Variants in ZNF385D observed in about 807,000 individuals in gnomAD.
ZNF385D encodes the protein zinc finger protein 385D, also known as zinc finger protein 659.
In ZNF385D, 15 loss-of-function variants were observed where a neutral mutation model predicts 35.8. The observed-to-expected ratio is 0.42, with a 90% CI of 0.28 to 0.64. The LOEUF is 0.64. Ranked by LOEUF, ZNF385D falls within the 30% of genes least tolerant of loss-of-function variation. The pLI is 0.23. For synonymous variants in ZNF385D, 212 were observed against 186.8 expected, an observed-to-expected ratio of 1.13 and a Z score of -1.10; for missense variants, 474 against 494.6, an observed-to-expected ratio of 0.96 and a Z score of 0.39.
intron 4 of ZNF385D, among the ~76,000 whole-genome samples, chr3:21,509,796 GA>G (rs1241223624): frequency 6.6e-6 from 1 of 152,114 alleles, no homozygotes; most frequent in African/African-American, 2.4e-5. Context: ...AATACCTGAA[GA>G]AAATACAAAA....
intron 3 of ZNF385D, among the ~76,000 whole-genome samples, chr3:22,000,292 G>A (rs1488384279): frequency 5.1e-5 from 6 of 118,536 alleles, no homozygotes; most frequent in East Asian, 4.2e-4. Flanking sequence ...GTGACAGAGC[G>A]AGACTCCATC....
At chr3:21,890,314 A>G (rs368505238) in intron 3 of ZNF385D, among the ~76,000 whole-genome samples, 3 of 152,278 alleles carry the variant, frequency 2.0e-5, no homozygotes, top group African/African-American at 7.2e-5. Context: ...TGGTAGACTC[A>G]GGCAGTATAA....
At chr3:21,907,549 A>C (rs1459654983) in intron 3 of ZNF385D, among the ~76,000 whole-genome samples, 1 of 152,074 alleles carries the variant, frequency 6.6e-6, no homozygotes, top group East Asian at 1.9e-4. Flanking sequence ...TAAAAATAGC[A>C]CTGCTATGGA....
At chr3:22,248,402 T>C (rs1437412244) in intron 2 of ZNF385D, among the ~76,000 whole-genome samples, 3 of 152,162 alleles carry the variant, frequency 2.0e-5, no homozygotes, top group Non-Finnish European at 2.9e-5. Context: ...ACTGAGGATA[T>C]AGAGAAGAAA....
At chr3:21,570,579 T>C (rs533990777) in intron 2 of ZNF385D, among the ~76,000 whole-genome samples, 1 of 152,332 alleles carries the variant, frequency 6.6e-6, no homozygotes, top group Non-Finnish European at 1.5e-5. Flanking sequence ...CTTTTTCATC[T>C]GGTATTTGTA....
chr3:21,846,850 C>T (rs116620034), intron 3 of ZNF385D, among the ~76,000 whole-genome samples: 145 of 152,084 alleles, frequency 9.5e-4, no homozygotes, highest in African/African-American at 3.4e-3. Context: ...ACACTTGGAA[C>T]CTTGCTGACC....
At chr3:21,877,572 A>G (rs1698046401) in intron 3 of ZNF385D, among the ~76,000 whole-genome samples, 1 of 152,096 alleles carries the variant, frequency 6.6e-6, no homozygotes, top group Admixed American at 6.6e-5. Context: ...GAGCCTCGGA[A>G]ATGGTTCAAG....
intron 3 of ZNF385D, among the ~76,000 whole-genome samples, chr3:21,909,373 T>C (rs1699849793): frequency 6.6e-6 from 1 of 152,048 alleles, no homozygotes; most frequent in Non-Finnish European, 1.5e-5. Flanking sequence ...CAATGTTTCA[T>C]TTTCCACCAT....
rs192416231 is a variant in ZNF385D, at chr3:21,782,590, C to A, written c.326-117562G>T. 2.5e-4 allele frequency among the ~76,000 whole-genome samples: 38 copies of A among 152,206 alleles called. 1 individual carries two copies. The highest frequency in any genetic ancestry group is 2.2e-3 in the Admixed American group (33 of 15,286). On this transcript the variant is annotated intron_variant, in intron 3 of 5. Transcript: ENST00000494108. ...CTTTAAACCTCTCCAGATTTGCTATCTCCGTGCTTTGAACAGGTTACTTAA... is the reference window on the plus strand; with the variant it reads ...CTTTAAACCTCTCCAGATTTGCTATATCCGTGCTTTGAACAGGTTACTTAA...
chr3:21,970,141 T>C (rs1388268141), intron 3 of ZNF385D, among the ~76,000 whole-genome samples: 2 of 152,078 alleles, frequency 1.3e-5, no homozygotes, highest in African/African-American at 4.8e-5. Flanking sequence ...AGAATAAATA[T>C]ATAATTCTTC....
intron 3 of ZNF385D, among the ~76,000 whole-genome samples, chr3:21,822,267 T>C (rs975967633): frequency 6.6e-6 from 1 of 151,168 alleles, no homozygotes; most frequent in African/African-American, 2.4e-5. Flanking sequence ...AGAGGCGGGG[T>C]TTCACCGTGT....
At chr3:21,830,127 A>T (rs1221597674) in intron 3 of ZNF385D, among the ~76,000 whole-genome samples, 1 of 151,936 alleles carries the variant, frequency 6.6e-6, no homozygotes, top group African/African-American at 2.4e-5. Context: ...CTGTCAAAAA[A>T]AATAAAAGAG....
chr3:21,883,106 T>C lies in ZNF385D; in HGVS notation c.326-218078A>G, dbSNP rs147851481. ...AAGTGTACTAAGAAAACAACACATA[T>C]CATCTTATGGGTTAGTTTGTATGCA... On this transcript the variant is annotated intron_variant, in intron 3 of 5. Transcript: ENST00000494108. Among the ~76,000 whole-genome samples the C allele has an allele frequency of 2.7e-3, 410 of 152,022 alleles. 2 individuals carry two copies. The highest frequency in any genetic ancestry group is 9.5e-3 in the African/African-American group (395 of 41,514).
At chr3:21,706,872 A>C (rs1240195813) in intron 1 of ZNF385D, among the ~76,000 whole-genome samples, 2 of 152,120 alleles carry the variant, frequency 1.3e-5, no homozygotes, top group African/African-American at 4.8e-5. Flanking sequence ...TAGACAGATA[A>C]ATTCTAATCA....
chr3:22,305,539 C>A (rs1703158490), intron 2 of ZNF385D, among the ~76,000 whole-genome samples: 1 of 152,156 alleles, frequency 6.6e-6, no homozygotes, highest in Admixed American at 6.6e-5. Context: ...GTGTCTCAGG[C>A]TGATGCAGCC....
chr3:22,127,309 A>T (rs1180017708), intron 3 of ZNF385D, among the ~76,000 whole-genome samples: 6 of 80,114 alleles, frequency 7.5e-5, no homozygotes, highest in South Asian at 3.9e-4. Context: ...GTATGTTTTC[A>T]TTTCCTGCTT....
intron 3 of ZNF385D, among the ~76,000 whole-genome samples, chr3:21,780,148 T>C (rs557917455): frequency 1.3e-5 from 2 of 151,938 alleles, no homozygotes. Context: ...ACAATAATAG[T>C]AGGAATATCA....
intron 3 of ZNF385D, among the ~76,000 whole-genome samples, chr3:21,858,339 G>C (rs554768133): frequency 6.6e-6 from 1 of 152,056 alleles, no homozygotes; most frequent in South Asian, 2.1e-4. Flanking sequence ...ATGCACAGTG[G>C]ACTCTGGTCA....
intron 3 of ZNF385D, among the ~76,000 whole-genome samples, chr3:22,043,573 T>G (rs968157423): frequency 4.7e-5 from 7 of 149,388 alleles, no homozygotes; most frequent in African/African-American, 1.7e-4. Flanking sequence ...TTCTAAAGGC[T>G]GAGGATGTAC....
Sources: allele counts gnomAD v4.1 joint callset (sites outside exome capture counted in the v4.1 genomes callset), GRCh38; gene constraint gnomAD v4.1.1; transcripts MANE v1.5; gene names NCBI Gene and HGNC (gene_info 2026-07-23, HGNC 2026-07-21).